CALN1: variants seen among roughly 807,000 people sequenced by gnomAD.
CALN1 encodes calcium-binding protein 8.
Under a neutral mutation model 30.6 loss-of-function variants are expected in CALN1, and 17 were observed. The observed-to-expected ratio is 0.56, with a 90% CI of 0.38 to 0.83. The LOEUF (loss-of-function observed/expected upper bound fraction) is 0.83. CALN1 is among the 40% of genes least tolerant of loss of function. The pLI is 0.00. For missense variants in CALN1, 291 were observed against 354.9 expected (o/e 0.82, Z 1.45); for synonymous variants, 156 against 131.4 (o/e 1.19, Z -1.28).
intron 3 of CALN1, among the ~76,000 whole-genome samples, chr7:72,184,169 G>C (rs539900923): frequency 6.6e-4 from 100 of 152,278 alleles, no homozygotes; most frequent in African/African-American, 2.1e-3. Flanking sequence ...GCACAGCGTG[G>C]CATGATGGTT....
chr7:72,216,167 T>TGCATTAGGAG (rs1442256562), intron 3 of CALN1, among the ~76,000 whole-genome samples: 1 of 151,992 alleles, frequency 6.6e-6, no homozygotes, highest in African/African-American at 2.4e-5. Flanking sequence ...ATAATCTTAA[T>TGCATTAGGAG]GCATTAGGAG....
At chr7:72,306,365 T>C (rs1799651271) in intron 2 of CALN1, among the ~76,000 whole-genome samples, 1 of 152,174 alleles carries the variant, frequency 6.6e-6, no homozygotes, top group African/African-American at 2.4e-5. Context: ...ACATTTGTCA[T>C]CTATCTATCT....
chr7:71,941,101 C>T (rs987993993), intron 5 of CALN1, among the ~76,000 whole-genome samples: 1 of 152,092 alleles, frequency 6.6e-6, no homozygotes, highest in African/African-American at 2.4e-5. Context: ...AATCCCAGCA[C>T]TTTGGGAGGC....
At chr7:72,485,096 T>C in the CALN1 span, among the ~76,000 whole-genome samples, 2 of 150,180 alleles carry the variant, frequency 1.3e-5, no homozygotes, top group Non-Finnish European at 3.0e-5. Context: ...CAAAAAAAAA[T>C]TTTTTTTAAT....
intron 5 of CALN1, among the ~76,000 whole-genome samples, chr7:71,863,867 T>C (rs1791442640): frequency 6.6e-6 from 1 of 152,142 alleles, no homozygotes; most frequent in South Asian, 2.1e-4. Context: ...CTCTCTCTTT[T>C]TTGAGCTCCA....
intron 3 of CALN1, among the ~76,000 whole-genome samples, chr7:72,259,328 T>C (rs1796124261): frequency 6.6e-6 from 1 of 151,994 alleles, no homozygotes; most frequent in African/African-American, 2.4e-5. Context: ...CAGAAATCAA[T>C]ATGCAAGAAC....
intron 5 of CALN1, among the ~76,000 whole-genome samples, chr7:71,923,001 CACTATACTAT>C (rs550302385): frequency 2.1e-5 from 3 of 145,610 alleles, no homozygotes; most frequent in East Asian, 2.0e-4. Context: ...TATCTAACTA[CACTATACTAT>C]ACTATACTAT....
At chr7:72,374,206 G>C (rs1017248909) in intron 2 of CALN1, among the ~76,000 whole-genome samples, 1 of 152,158 alleles carries the variant, frequency 6.6e-6, no homozygotes, top group Admixed American at 6.5e-5. Context: ...GAAATATCTA[G>C]GTGAATTTAA....
intron 2 of CALN1, among the ~76,000 whole-genome samples, chr7:72,339,750 A>G (rs1802295637): frequency 6.6e-6 from 1 of 152,212 alleles, no homozygotes; most frequent in African/African-American, 2.4e-5. Flanking sequence ...CATGGCAGCA[A>G]GCAAGAGAGC....
intron 2 of CALN1, among the ~76,000 whole-genome samples, chr7:72,401,075 TA>T (rs1471438076): frequency 1.3e-5 from 2 of 152,200 alleles, no homozygotes; most frequent in Non-Finnish European, 2.9e-5. Flanking sequence ...CCGTTTTTGC[TA>T]AGGTGTCAAC....
intron 2 of CALN1, among the ~76,000 whole-genome samples, chr7:72,297,431 A>G (rs1052192903): frequency 6.6e-6 from 1 of 152,212 alleles, no homozygotes; most frequent in Non-Finnish European, 1.5e-5. Context: ...CAAATATAGA[A>G]AGCATAAATA....
At chr7:72,204,518 T>C (rs2129547648) in intron 3 of CALN1, among the ~76,000 whole-genome samples, 1 of 152,302 alleles carries the variant, frequency 6.6e-6, no homozygotes, top group South Asian at 2.1e-4. Context: ...CTACACATTA[T>C]ACAATATACT....
intron 5 of CALN1, among the ~76,000 whole-genome samples, chr7:71,920,330 C>CT (rs71092931): frequency 0.049 from 4,784 of 98,626 alleles, 257 homozygotes; most frequent in African/African-American, 0.13. Flanking sequence ...CAAATTAGTT[C>CT]TTTTTTTTTT....
intron 3 of CALN1, among the ~76,000 whole-genome samples, chr7:72,119,380 C>T (rs1808219792): frequency 6.6e-6 from 1 of 152,082 alleles, no homozygotes. Flanking sequence ...ATCATGAGAA[C>T]AGCGCAGGAA....
intron 3 of CALN1, among the ~76,000 whole-genome samples, chr7:72,247,648 G>C (rs1795282584): frequency 6.6e-6 from 1 of 152,140 alleles, no homozygotes; most frequent in African/African-American, 2.4e-5. Flanking sequence ...ATCTGTATTT[G>C]TTTCCTGTGG....
chr7:72,048,724 C>T (rs1441171280), intron 4 of CALN1, among the ~76,000 whole-genome samples: 1 of 149,884 alleles, frequency 6.7e-6, no homozygotes, highest in Non-Finnish European at 1.5e-5. Context: ...TTTCCCTCTT[C>T]TTTCCTTCCT....
At chr7:71,985,584 CTTTTTTTT>C (rs962922789) in intron 5 of CALN1, among the ~76,000 whole-genome samples, 2,644 of 96,470 alleles carry the variant, frequency 0.027, 87 homozygotes, top group African/African-American at 0.099. Context: ...AGGTAGTTTT[CTTTTTTTT>C]TTTTTTTTTT....
intron 5 of CALN1, among the ~76,000 whole-genome samples, chr7:71,936,982 C>T (rs1795871866): frequency 6.6e-6 from 1 of 152,144 alleles, no homozygotes; most frequent in Non-Finnish European, 1.5e-5. Flanking sequence ...ATTCTGAGGC[C>T]TCCCCAGCCA....
Position 72,223,459 on chromosome 7 carries a change from A to G in CALN1, c.244+55227T>C, listed in dbSNP as rs577384563. On this transcript the variant is annotated intron_variant, in intron 3 of 6. Coordinates refer to ENST00000395275, the MANE Select transcript of CALN1 (RefSeq NM_031468.4). ...TTTTGATGGATATGGCTTACAGGGT[A>G]AAAAAGGAACCAAGTGGCTTCTCTC... Among the ~76,000 whole-genome samples, 3 of 152,262 alleles carry G rather than the reference A, an allele frequency of 2.0e-5. No homozygotes were observed. In the East Asian group the frequency reaches 5.8e-4, roughly 29 times the overall value.
Sources: allele counts gnomAD v4.1 joint callset (sites outside exome capture counted in the v4.1 genomes callset), GRCh38; gene constraint gnomAD v4.1.1; transcripts MANE v1.5; gene names NCBI Gene and HGNC (gene_info 2026-07-23, HGNC 2026-07-21).